The following OR56B4 variants were observed in gnomAD, a reference collection of about 807,000 sequenced individuals.
OR56B4 encodes olfactory receptor family 56 subfamily B member 4, also known as olfactory receptor 56B4.
For missense variants in OR56B4, 447 were observed against 384.6 expected (o/e 1.16, Z -1.36); for synonymous variants, 142 against 149.5 (o/e 0.95, Z 0.37).
Position 6,108,705 on chromosome 11 carries a change from A to G in OR56B4, c.927A>G (p.Arg309=), listed in dbSNP as rs1195865378. 1 of 1,613,932 alleles carries G rather than the reference A, an allele frequency of 6.2e-7. No homozygotes were observed. The highest frequency in any genetic ancestry group is 1.7e-5 in the Admixed American group (1 of 59,996). Residue 309 remains arginine, a synonymous_variant, in exon 1 of 1, where the codon AGA becomes AGG. Transcript: ENST00000316529. ...ACAAACTCAGACTGGGCTTTCAGAG[A>G]CTGCTTGGACTGGGTCAGGACGTGT... ...RMHKLRLGFQ[R]LLGLGQDVSK is the part of the protein sequence containing the mutation.
In OR56B4 at chr11:6,108,152, C is replaced by A. The variant is rs761857683; in HGVS notation, c.374C>A (p.Ala125Glu). The A allele has an allele frequency of 3.1e-6, 5 of 1,614,144 alleles. No homozygotes were observed. The highest frequency in any genetic ancestry group is 3.3e-5 in the Admixed American group (2 of 60,024). Residue 125 changes from alanine to glutamate, a missense_variant, in exon 1 of 1, where the codon GCA (alanine) becomes GAA (glutamate). Transcript: ENST00000316529. ...CIESGIFLCM[A>E]VDRYIAICRP... is the part of the protein sequence containing the mutation. ...GAGTCAGGCATCTTTCTCTGCATGGCAGTAGACAGATACATAGCCATCTGT... is the reference window on the plus strand; with the variant it reads ...GAGTCAGGCATCTTTCTCTGCATGGAAGTAGACAGATACATAGCCATCTGT...
Position 6,108,815 on chromosome 11 carries a change from G to A in OR56B4, c.*77G>A. On this transcript the variant is annotated 3_prime_UTR_variant, in exon 1 of 1. Coordinates refer to ENST00000316529, the MANE Select transcript of OR56B4 (RefSeq NM_001005181.2). Reference sequence around the variant, plus strand: ...TCTCAATAGATCAGGGTTATAATCTGCACTTACCACACTCCCTAGGAAAAA... The same window carrying A: ...TCTCAATAGATCAGGGTTATAATCTACACTTACCACACTCCCTAGGAAAAA... The A allele has an allele frequency of 7.4e-7, 1 of 1,355,628 alleles. No individual in the cohort carries two copies. The highest frequency in any genetic ancestry group is 1.0e-6 in the Non-Finnish European group (1 of 977,924). 84.0% of individuals were successfully genotyped at this position (1,355,628 alleles called of 1,614,324 possible).
At position 6,108,474 on chromosome 11, in the gene OR56B4, G is replaced by A; in HGVS notation, c.696G>A (p.Leu232=). The A allele has an allele frequency of 6.2e-7, 1 of 1,614,142 alleles. No homozygotes were observed. Among genetic ancestry groups the A allele is most frequent in the Non-Finnish European group, 8.5e-7 (1 of 1,180,026 alleles). The change falls in exon 1 of 1, where the codon CTG becomes CTA. Residue 232 remains leucine (L), a synonymous_variant. Coordinates refer to ENST00000316529, the MANE Select transcript of OR56B4 (RefSeq NM_001005181.2). ...ATGCTGTAATCCTTCACTCTGTGCTGAGGCTGAACTCAGCAGAAGCAATGT... is the reference window on the plus strand; with the variant it reads ...ATGCTGTAATCCTTCACTCTGTGCTAAGGCTGAACTCAGCAGAAGCAATGT... ...SSYAVILHSV[L]RLNSAEAMSK...
chr11:6,108,678 G>A lies in OR56B4; in HGVS notation c.900G>A (p.Met300Ile), dbSNP rs766440326. 1 of 1,614,072 alleles carries A rather than the reference G, an allele frequency of 6.2e-7. No individual in the cohort carries two copies. Among genetic ancestry groups the A allele is most frequent in the African/African-American group, 1.3e-5 (1 of 75,044 alleles). Reference sequence around the variant, plus strand: ...ACCCCCTGGCCTGTGCACTCAGGATGCACAAACTCAGACTGGGCTTTCAGA... The same window carrying A: ...ACCCCCTGGCCTGTGCACTCAGGATACACAAACTCAGACTGGGCTTTCAGA... ...ALNPLACALR[M>I]HKLRLGFQRL... The change falls in exon 1 of 1, where the codon ATG (methionine) becomes ATA (isoleucine). Residue 300 changes from methionine (M) to isoleucine (I), a missense_variant. Coordinates refer to ENST00000316529, the MANE Select transcript of OR56B4 (RefSeq NM_001005181.2).
rs4758387 is a variant in OR56B4 at position 6,107,922 on chromosome 11, T to C, written c.144T>C (p.Asn48=). ...TCTACCTCTTAGCTCTTGGTGCCAATCTCCTCATCATAATCACCATTCAAC... is the reference window on the plus strand; with the variant it reads ...TCTACCTCTTAGCTCTTGGTGCCAACCTCCTCATCATAATCACCATTCAAC... ...TLLYLLALGA[N]LLIIITIQHE... is the part of the protein sequence containing the mutation. Residue 48 remains asparagine, a synonymous_variant, in exon 1 of 1, where the codon AAT becomes AAC. Transcript: ENST00000316529. The C allele has an allele frequency of 0.079, 127,068 of 1,613,796 alleles. 8,840 individuals are homozygous for C. Among genetic ancestry groups the C allele is most frequent in the African/African-American group, 0.38 (28,093 of 74,904 alleles).
At position 6,108,727 on chromosome 11, in the gene OR56B4, G is replaced by A. The variant is rs776140888; in HGVS notation, c.949G>A (p.Val317Met). 1.2e-5 allele frequency: 20 copies of A among 1,613,570 alleles called. No homozygotes were observed. Among genetic ancestry groups the A allele is most frequent in the South Asian group, 4.4e-5 (4 of 91,078 alleles). The stretch of plus-strand genomic sequence containing the variant: ...GAGACTGCTTGGACTGGGTCAGGAC[G>A]TGTCCAAGTAACTCCAGCTTTAGGA... ...FQRLLGLGQD[V>M]SK The change falls in exon 1 of 1, where the codon GTG (valine) becomes ATG (methionine). Residue 317 changes from valine to methionine, a missense_variant. Transcript: ENST00000316529.
In OR56B4 at chr11:6,108,764, T is replaced by C. The variant is rs767568980; in HGVS notation, c.*26T>C. Reference sequence around the variant, plus strand: ...CTCCAGCTTTAGGAATCCAGTAAGATGTTAGGAAATGACAGAGGTTTTAGT... The same window carrying C: ...CTCCAGCTTTAGGAATCCAGTAAGACGTTAGGAAATGACAGAGGTTTTAGT... On this transcript the variant is annotated 3_prime_UTR_variant, in exon 1 of 1. Transcript: ENST00000316529. The C allele has an allele frequency of 6.8e-6, 11 of 1,607,348 alleles. No individual in the cohort carries two copies. The East Asian group carries it at 8.9e-5, about 13-fold the overall frequency.
chr11:6,108,182 C>G lies in OR56B4; in HGVS notation c.404C>G (p.Pro135Arg), dbSNP rs370041180. 3.1e-6 allele frequency: 5 copies of G among 1,614,090 alleles called. No homozygotes were observed. Among genetic ancestry groups the G allele is most frequent in the Non-Finnish European group, 4.2e-6 (5 of 1,179,936 alleles). ...GACAGATACATAGCCATCTGTCGCC[C>G]TCTTCAGTACCCCTCCATAGTCACT... is the stretch of plus-strand genomic sequence containing the variant. ...AVDRYIAICR[P>R]LQYPSIVTKA... Residue 135 changes from proline to arginine, a missense_variant, in exon 1 of 1, where the codon CCT becomes CGT. By Grantham distance (103) the Pro-to-Arg change is moderately radical (BLOSUM62 -2). Transcript: ENST00000316529.
Position 6,107,932 on chromosome 11 carries a change from A to G in OR56B4, c.154A>G (p.Ile52Val). The stretch of plus-strand genomic sequence containing the variant: ...AGCTCTTGGTGCCAATCTCCTCATC[A>G]TAATCACCATTCAACATGAGACCGT... ...LLALGANLLIIITIQHETVLH... is the reference protein window; with the variant it reads ...LLALGANLLIVITIQHETVLH... Residue 52 changes from isoleucine (I) to valine (V), a missense_variant, in exon 1 of 1, where the codon ATA (isoleucine) becomes GTA (valine). By Grantham distance (29) the Ile-to-Val change is conservative. Coordinates refer to ENST00000316529, the MANE Select transcript of OR56B4 (RefSeq NM_001005181.2). 1 of 1,614,046 alleles carries G rather than the reference A, an allele frequency of 6.2e-7. No individual in the cohort carries two copies. The highest frequency in any genetic ancestry group is 8.5e-7 in the Non-Finnish European group (1 of 1,179,990).
rs772357495 is a variant in OR56B4 at position 6,108,318 on chromosome 11, C to T, written c.540C>T (p.Ile180=). Residue 180 remains isoleucine, a synonymous_variant, in exon 1 of 1, where the codon ATC becomes ATT. Transcript: ENST00000316529. ...GACACTACTGTTCCAGGAATGAAATCGAGCACTGCCTCTGCTCTAACTTGG... is the reference window on the plus strand; with the variant it reads ...GACACTACTGTTCCAGGAATGAAATTGAGCACTGCCTCTGCTCTAACTTGG... ...AQRHYCSRNE[I]EHCLCSNLGV... The T allele has an allele frequency of 1.5e-5, 24 of 1,614,064 alleles. No homozygotes were observed. In the African/African-American group the frequency reaches 1.6e-4, roughly 11 times the overall value.
rs777727944 is a variant in OR56B4, at chr11:6,108,304, T to C, written c.526T>C (p.Ser176Pro). 1.2e-6 allele frequency: 2 copies of C among 1,614,082 alleles called. No homozygotes were observed. The highest frequency in any genetic ancestry group is 2.7e-5 in the African/African-American group (2 of 74,944). Residue 176 changes from serine (S) to proline (P), a missense_variant, in exon 1 of 1, where the codon TCC (serine) becomes CCC (proline). Ser to Pro is a moderately conservative substitution (Grantham distance 74). Transcript: ENST00000316529. Reference sequence around the variant, plus strand: ...ACTGGCTGCCCAGAGACACTACTGTTCCAGGAATGAAATCGAGCACTGCCT... The same window carrying C: ...ACTGGCTGCCCAGAGACACTACTGTCCCAGGAATGAAATCGAGCACTGCCT... ...PILAAQRHYC[S>P]RNEIEHCLCS...
rs780513891 is a variant in OR56B4 at position 6,107,968 on chromosome 11, C to T, written c.190C>T (p.Pro64Ser). ...TIQHETVLHEPMYHLLGILAV... is the reference protein window; with the variant it reads ...TIQHETVLHESMYHLLGILAV... ...TCAACATGAGACCGTGCTACATGAA[C>T]CCATGTACCATTTGCTGGGCATATT... The change falls in exon 1 of 1, where the codon CCC becomes TCC. Residue 64 changes from proline (P) to serine (S), a missense_variant. Pro to Ser is a moderately conservative substitution (Grantham distance 74, BLOSUM62 -1). Coordinates refer to ENST00000316529, the MANE Select transcript of OR56B4 (RefSeq NM_001005181.2). 6.2e-7 allele frequency: 1 copy of T among 1,613,370 alleles called. No individual in the cohort carries two copies. Among genetic ancestry groups the T allele is most frequent in the Non-Finnish European group, 8.5e-7 (1 of 1,179,346 alleles).
chr11:6,108,054 G>A lies in OR56B4; in HGVS notation c.276G>A (p.Trp92Ter). The part of the protein sequence containing the change: ...TIMPKILAIF[W>*]FDAKAISLPM... Reference sequence around the variant, plus strand: ...TGCCCAAGATCCTGGCCATCTTCTGGTTTGATGCCAAGGCCATTAGCCTCC... The same window carrying A: ...TGCCCAAGATCCTGGCCATCTTCTGATTTGATGCCAAGGCCATTAGCCTCC... The change falls in exon 1 of 1, where the codon TGG (tryptophan) becomes TGA (stop). Residue 92 changes from tryptophan to a stop codon, truncating the protein, a stop_gained. Transcript: ENST00000316529. LOFTEE classifies it low-confidence loss of function (END_TRUNC). The A allele has an allele frequency of 6.2e-7, 1 of 1,614,112 alleles. No individual in the cohort carries two copies. Among genetic ancestry groups the A allele is most frequent in the African/African-American group, 1.3e-5 (1 of 75,042 alleles).
At position 6,107,733 on chromosome 11, in the gene OR56B4, G is replaced by T; in HGVS notation, c.-46G>T. ...CCCCTTAGCTGAACTTTTAAACAGAGATTTCTTCTATTTCAGACAGACACT... is the reference window on the plus strand; with the variant it reads ...CCCCTTAGCTGAACTTTTAAACAGATATTTCTTCTATTTCAGACAGACACT... On this transcript the variant is annotated 5_prime_UTR_variant, in exon 1 of 1. Coordinates refer to ENST00000316529, the MANE Select transcript of OR56B4 (RefSeq NM_001005181.2). 1 of 1,559,322 alleles carries T rather than the reference G, an allele frequency of 6.4e-7. No homozygotes were observed. The highest frequency in any genetic ancestry group is 1.2e-5 in the South Asian group (1 of 81,820).
Position 6,108,651 on chromosome 11 carries a change from C to T in OR56B4, c.873C>T (p.Leu291=). The change falls in exon 1 of 1, where the codon CTC becomes CTT. Residue 291 remains leucine (L), a synonymous_variant. Transcript: ENST00000316529. ...TGCACAATGTCATCCCCCCTGCACT[C>T]AACCCCCTGGCCTGTGCACTCAGGA... is the stretch of plus-strand genomic sequence containing the variant. ...NVLHNVIPPA[L]NPLACALRMH... 2 of 1,614,034 alleles carry T rather than the reference C, an allele frequency of 1.2e-6. No individual in the cohort carries two copies. The highest frequency in any genetic ancestry group is 8.5e-7 in the Non-Finnish European group (1 of 1,179,888).
rs774631377 is a variant in OR56B4, at chr11:6,108,311, A to G, written c.533A>G (p.Asn178Ser). The G allele has an allele frequency of 3.7e-6, 6 of 1,614,096 alleles. No individual in the cohort carries two copies. Among genetic ancestry groups the G allele is most frequent in the Non-Finnish European group, 4.2e-6 (5 of 1,180,034 alleles). Residue 178 changes from asparagine (N) to serine (S), a missense_variant, in exon 1 of 1, where the codon AAT (asparagine) becomes AGT (serine). By Grantham distance (46) the Asn-to-Ser change is conservative (BLOSUM62 1). Coordinates refer to ENST00000316529, the MANE Select transcript of OR56B4 (RefSeq NM_001005181.2). ...LAAQRHYCSRNEIEHCLCSNL... is the reference protein window; with the variant it reads ...LAAQRHYCSRSEIEHCLCSNL... The stretch of plus-strand genomic sequence containing the variant: ...GCCCAGAGACACTACTGTTCCAGGA[A>G]TGAAATCGAGCACTGCCTCTGCTCT...
chr11:6,108,527 A>C lies in OR56B4; in HGVS notation c.749A>C (p.His250Pro), dbSNP rs769003394. ...MSKALSTCSS[H>P]LILILFHTGI... ...AAGGCTCTGAGCACTTGTAGCTCCC[A>C]CCTCATCCTCATCCTCTTCCACACA... The change falls in exon 1 of 1, where the codon CAC (histidine) becomes CCC (proline). Residue 250 changes from histidine (H) to proline (P), a missense_variant. Transcript: ENST00000316529. The C allele has an allele frequency of 1.9e-5, 31 of 1,614,018 alleles. No homozygotes were observed. Among genetic ancestry groups the C allele is most frequent in the South Asian group, 1.6e-4 (15 of 91,094 alleles).
chr11:6,108,394 C>T lies in OR56B4; in HGVS notation c.616C>T (p.Leu206=), dbSNP rs1401504219. 1.2e-6 allele frequency: 2 copies of T among 1,614,058 alleles called. No homozygotes were observed. The highest frequency in any genetic ancestry group is 1.1e-5 in the South Asian group (1 of 91,092). The stretch of plus-strand genomic sequence containing the variant: ...CATCACTGTGAACAAATTTTACCAA[C>T]TGATGCTAGCATGGGTCTTGGTTGG... ...DDITVNKFYQ[L]MLAWVLVGSD... Residue 206 remains leucine, a synonymous_variant, in exon 1 of 1, where the codon CTG becomes TTG. Coordinates refer to ENST00000316529, the MANE Select transcript of OR56B4 (RefSeq NM_001005181.2).
chr11:6,108,367 G>T lies in OR56B4; in HGVS notation c.589G>T (p.Asp197Tyr), dbSNP rs536206602. 3.7e-6 allele frequency: 6 copies of T among 1,614,168 alleles called. No individual in the cohort carries two copies. In the South Asian group the frequency reaches 5.5e-5, roughly 15 times the overall value. The change falls in exon 1 of 1, where the codon GAC becomes TAC. Residue 197 changes from aspartate (D) to tyrosine (Y), a missense_variant. Asp to Tyr is a radical substitution (Grantham distance 160). Coordinates refer to ENST00000316529, the MANE Select transcript of OR56B4 (RefSeq NM_001005181.2). ...NLGVISLACD[D>Y]ITVNKFYQLM... is the part of the protein sequence containing the mutation. ...GGGGGTTATCAGCCTGGCTTGTGAT[G>T]ACATCACTGTGAACAAATTTTACCA...
Sources: allele counts gnomAD v4.1 joint callset, GRCh38; gene constraint gnomAD v4.1.1; transcripts MANE v1.5; gene names NCBI Gene and HGNC (gene_info 2026-07-23, HGNC 2026-07-21).